ABCD4: variants seen among roughly 807,000 people sequenced by gnomAD.
ABCD4 encodes the protein lysosomal cobalamin transporter ABCD4.
Under a neutral mutation model 86.3 loss-of-function variants are expected in ABCD4, and 53 were observed. The ratio of observed to expected loss-of-function variants is 0.61; its 90% CI spans 0.49 to 0.77. The LOEUF (loss-of-function observed/expected upper bound fraction) is 0.77. Ranked by LOEUF, ABCD4 falls within the 30% of genes least tolerant of loss-of-function variation. ABCD4 has a pLI of 0.00. For synonymous variants in ABCD4, 328 were observed against 313.6 expected (o/e 1.05, Z -0.49); for missense variants, 757 against 764.5 (o/e 0.99, Z 0.12).
chr14:74,290,183 C>T (rs954878832), intron 12 of ABCD4, 65 bp from the exon 13 acceptor site: 1 of 1,610,980 alleles, frequency 6.2e-7, no homozygotes, highest in East Asian at 2.2e-5. Flanking sequence ...TGTCTCCTCT[C>T]TTCCTTGTTC....
intron 17 of ABCD4, 86 bp from the exon 18 acceptor site, chr14:74,286,902 T>G: frequency 7.6e-7 from 1 of 1,317,476 alleles, no homozygotes; most frequent in South Asian, 1.3e-5. Flanking sequence ...CAACCCCAGC[T>G]GGGACCCAGG....
chr14:74,289,237 G>A, intron 14 of ABCD4: 2 of 1,347,368 alleles, frequency 1.5e-6, no homozygotes, highest in Non-Finnish European at 1.9e-6. Flanking sequence ...ATAAGGGAAG[G>A]GGTGGGTGAA....
chr14:74,287,568 AAAG>A (rs2080139612), intron 17 of ABCD4, among the ~76,000 whole-genome samples: 2 of 147,038 alleles, frequency 1.4e-5, no homozygotes, highest in Non-Finnish European at 3.0e-5. Context: ...AAAAAAAAAA[AAAG>A]AAAAGAAAAA....
Position 74,296,694 on chromosome 14 carries a change from C to T in ABCD4, c.426-245G>A. 6.1e-6 allele frequency: 3 copies of T among 495,458 alleles called. No individual in the cohort carries two copies. The South Asian group carries it at 7.0e-5, about 12-fold the overall frequency. 30.7% of individuals were successfully genotyped at this position (495,458 alleles called of 1,614,324 possible). ...AGTTAATCCCCTGAAAAAGTGGGAA[C>T]TGAAAGGTCCAGTACCCAGGGGCCT... On this transcript the variant is annotated intron_variant, in intron 4 of 18. Coordinates refer to ENST00000356924, the MANE Select transcript of ABCD4 (RefSeq NM_005050.4).
chr14:74,287,203 C>A (rs1004449939), intron 17 of ABCD4, among the ~76,000 whole-genome samples: 37 of 152,246 alleles, frequency 2.4e-4, no homozygotes, highest in African/African-American at 8.2e-4. Flanking sequence ...GCCAGAGGAG[C>A]ATAAAATTAT....
intron 6 of ABCD4, 113 bp downstream of exon 6, chr14:74,295,741 T>G: frequency 6.9e-7 from 1 of 1,446,122 alleles, no homozygotes; most frequent in Admixed American, 2.1e-5. Context: ...CTCTCCAAGA[T>G]CACACAGCTA....
chr14:74,298,530 C>CA (rs1472889903), intron 3 of ABCD4, among the ~76,000 whole-genome samples: 2 of 152,214 alleles, frequency 1.3e-5, no homozygotes, highest in African/African-American at 4.8e-5. Flanking sequence ...CTCGGCCTCT[C>CA]AAAGTGCTGG....
chr14:74,289,823 C>G (rs2080969996), intron 13 of ABCD4: 1 of 1,440,068 alleles, frequency 6.9e-7, no homozygotes, highest in South Asian at 1.5e-5. Flanking sequence ...ATTTACCTGC[C>G]TCAGGAGCTG....
chr14:74,286,816 A>C lies in ABCD4; in HGVS notation c.1637T>G (p.Val546Gly), dbSNP rs760042136. Residue 546 changes from valine (V) to glycine (G), a missense_variant and splice_region_variant, in exon 18 of 19, where the codon GTG becomes GGG. Transcript: ENST00000356924. Reference sequence around the variant, plus strand: ...CAGGGCACTGGTGGCTTCATCAAGCACTGAGGGGGCAGAGCACAGAGGAAG... The same window carrying C: ...CAGGGCACTGGTGGCTTCATCAAGCCCTGAGGGGGCAGAGCACAGAGGAAG... ...RLFYLQPKYAVLDEATSALTE... is the reference protein window; with the variant it reads ...RLFYLQPKYAGLDEATSALTE... 1.9e-6 allele frequency: 3 copies of C among 1,613,676 alleles called. No individual in the cohort carries two copies. In the Admixed American group the frequency reaches 5.0e-5, roughly 27 times the overall value.
rs17099277 is a variant in ABCD4, at chr14:74,298,191, G to A, written c.286-122C>T. ...AGCCCACTCTGACTCTGATTACTCC[G>A]TCCACTCAGCACTTTTCTTTTTTAA... On this transcript the variant is annotated intron_variant, in intron 3 of 18. Transcript: ENST00000356924. The A allele has an allele frequency of 1.2e-3, 1,822 of 1,478,184 alleles. 18 individuals carry two copies. The African/African-American group carries it at 0.023, about 19-fold the overall frequency. 91.6% of individuals were successfully genotyped at this position (1,478,184 alleles called of 1,614,324 possible).
chr14:74,291,290 CT>C (rs2081425179), intron 11 of ABCD4, among the ~76,000 whole-genome samples: 1 of 152,188 alleles, frequency 6.6e-6, no homozygotes, highest in Non-Finnish European at 1.5e-5. Flanking sequence ...AGGGGTGGAA[CT>C]TCTACTCTCT....
rs369828476 is a variant in ABCD4 at position 74,292,791 on chromosome 14, T to C, written c.893A>G (p.Tyr298Cys). ...VIAIPIFSGVYGDLSPAELST... is the reference protein window; with the variant it reads ...VIAIPIFSGVCGDLSPAELST... ...AAGCTCTGCGGGACTCAGGTCTCCA[T>C]AGACCCCGCTGAAAATGGGGATTGC... Residue 298 changes from tyrosine (Y) to cysteine (C), a missense_variant, in exon 9 of 19, where the codon TAT becomes TGT. By Grantham distance (194) the Tyr-to-Cys change is radical (BLOSUM62 -2). Transcript: ENST00000356924. The C allele has an allele frequency of 1.7e-5, 27 of 1,613,984 alleles. No homozygotes were observed. Among genetic ancestry groups the C allele is most frequent in the African/African-American group, 6.7e-5 (5 of 74,904 alleles).
At chr14:74,297,251 A>G (rs1338409998) in intron 4 of ABCD4, 1 of 152,266 alleles carries the variant, frequency 6.6e-6, no homozygotes, top group Non-Finnish European at 1.5e-5. Context: ...GTACATGTGC[A>G]TTACATGAAT....
chr14:74,287,551 C>CAA (rs67310859), intron 17 of ABCD4, among the ~76,000 whole-genome samples: 1 of 107,314 alleles, frequency 9.3e-6, no homozygotes, highest in Non-Finnish European at 1.9e-5. Context: ...GAGACTGTCT[C>CAA]AAAAAAAAAA....
At chr14:74,290,635 G>A in intron 11 of ABCD4, 136 bp from the exon 12 acceptor site, 1 of 640,606 alleles carries the variant, frequency 1.6e-6, no homozygotes, top group Non-Finnish European at 2.8e-6. Context: ...ACATGCTGAA[G>A]TCCAGCCCCC....
intron 2 of ABCD4, chr14:74,299,900 G>A (rs2140099783): frequency 3.4e-6 from 2 of 580,964 alleles, no homozygotes; most frequent in South Asian, 4.1e-5. Flanking sequence ...TGTCTTTACT[G>A]AAAAATACAA....
intron 4 of ABCD4, 26 bp from the exon 5 acceptor site, chr14:74,296,475 G>A: frequency 6.2e-7 from 1 of 1,609,052 alleles, no homozygotes; most frequent in Non-Finnish European, 8.5e-7. Context: ...CAGAGTAGCT[G>A]GACCCAGGGA....
rs755048805 is a variant in ABCD4 at position 74,286,353 on chromosome 14, G to C, written c.*108C>G. 1 of 1,227,510 alleles carries C rather than the reference G, an allele frequency of 8.1e-7. No homozygotes were observed. Among genetic ancestry groups the C allele is most frequent in the South Asian group, 1.2e-5 (1 of 80,748 alleles). 76.0% of individuals were successfully genotyped at this position (1,227,510 alleles called of 1,614,324 possible). A position where few individuals can be genotyped will look rare whatever the true frequency, so the allele number is the denominator to read the frequency against. On this transcript the variant is annotated 3_prime_UTR_variant, in exon 19 of 19. Transcript: ENST00000356924. ...CACAGGACCCATGTGGCTCCTGCACGGGATCTATGTGGCGAACCTGAGCTC... is the reference window on the plus strand; with the variant it reads ...CACAGGACCCATGTGGCTCCTGCACCGGATCTATGTGGCGAACCTGAGCTC...
chr14:74,298,153 G>A (rs1191078854), intron 3 of ABCD4, 84 bp from the exon 4 acceptor site: 32 of 1,546,266 alleles, frequency 2.1e-5, no homozygotes, highest in African/African-American at 4.1e-5. Context: ...AAGAGCCTCC[G>A]CTGACCCATC....
Sources: allele counts gnomAD v4.1 joint callset (sites outside exome capture counted in the v4.1 genomes callset), GRCh38; gene constraint gnomAD v4.1.1; transcripts MANE v1.5; gene names NCBI Gene and HGNC (gene_info 2026-07-23, HGNC 2026-07-21).